GPC5: variants seen among roughly 807,000 people sequenced by gnomAD.
GPC5 encodes glypican-5.
In GPC5, 47 loss-of-function variants were observed where a neutral mutation model predicts 53.9. The ratio of observed to expected loss-of-function variants is 0.87; its 90% CI spans 0.69 to 1.11. The LOEUF (loss-of-function observed/expected upper bound fraction) is 1.11. GPC5 is among the 50% of genes most tolerant of loss of function. GPC5 has a pLI of 0.00. For synonymous variants in GPC5, 286 were observed against 263.3 expected, an observed-to-expected ratio of 1.09 and a Z score of -0.84; for missense variants, 748 against 713.1, an observed-to-expected ratio of 1.05 and a Z score of -0.56.
At chr13:91,780,671 C>T (rs1175852211) in intron 5 of GPC5, among the ~76,000 whole-genome samples, 1 of 152,110 alleles carries the variant, frequency 6.6e-6, no homozygotes, top group Non-Finnish European at 1.5e-5. Context: ...TAGTAAAGTT[C>T]AACTCTGGGG....
At chr13:92,012,301 T>C (rs1203083084) in intron 6 of GPC5, among the ~76,000 whole-genome samples, 2 of 152,180 alleles carry the variant, frequency 1.3e-5, no homozygotes, top group East Asian at 1.9e-4. Context: ...TATAAATACA[T>C]AGGAACTTAA....
At chr13:92,225,530 G>A (rs2042478810) in intron 7 of GPC5, among the ~76,000 whole-genome samples, 1 of 152,164 alleles carries the variant, frequency 6.6e-6, no homozygotes, top group Non-Finnish European at 1.5e-5. Context: ...TGAATTTTAA[G>A]CAATTTAGTC....
chr13:92,177,141 G>T (rs748665901), intron 7 of GPC5, among the ~76,000 whole-genome samples: 20 of 152,154 alleles, frequency 1.3e-4, no homozygotes, highest in Non-Finnish European at 2.4e-4. Flanking sequence ...TAACTTCTTG[G>T]CTTACAGACC....
chr13:92,071,861 A>T (rs543296191), intron 6 of GPC5, among the ~76,000 whole-genome samples: 1 of 147,088 alleles, frequency 6.8e-6, no homozygotes, highest in East Asian at 1.9e-4. Flanking sequence ...AATTTATTAT[A>T]ATATATATAA....
intron 6 of GPC5, among the ~76,000 whole-genome samples, chr13:91,971,745 T>G (rs1183648183): frequency 6.6e-6 from 1 of 152,182 alleles, no homozygotes; most frequent in African/African-American, 2.4e-5. Flanking sequence ...TTCAGAAGCA[T>G]GTTGTTAAGT....
chr13:92,825,175 G>A (rs557249573), intron 7 of GPC5, among the ~76,000 whole-genome samples: 3 of 152,136 alleles, frequency 2.0e-5, no homozygotes, highest in South Asian at 2.1e-4. Context: ...ATCACAGCAC[G>A]ATCCGTGTGC....
chr13:91,828,946 G>A (rs1344621352), intron 5 of GPC5, among the ~76,000 whole-genome samples: 2 of 152,012 alleles, frequency 1.3e-5, no homozygotes, highest in Non-Finnish European at 2.9e-5. Flanking sequence ...TACCACTAAT[G>A]GGTAATATTT....
intron 5 of GPC5, among the ~76,000 whole-genome samples, chr13:91,905,002 C>A (rs1467223342): frequency 6.6e-6 from 1 of 151,978 alleles, no homozygotes; most frequent in African/African-American, 2.4e-5. Context: ...AGTGAAGCAG[C>A]AAATGGCCTT....
At chr13:92,135,852 C>T (rs1324309782) in intron 6 of GPC5, among the ~76,000 whole-genome samples, 1 of 152,186 alleles carries the variant, frequency 6.6e-6, no homozygotes, top group African/African-American at 2.4e-5. Context: ...CATAACATGA[C>T]ACATTGTAAA....
rs185343573 is a variant in GPC5 at position 92,715,156 on chromosome 13, A to G, written c.1562-151126A>G. 2.4e-3 allele frequency among the ~76,000 whole-genome samples: 360 copies of G among 152,328 alleles called. 6 individuals are homozygous for G. The highest frequency in any genetic ancestry group is 7.7e-4 in the East Asian group (4 of 5,182). On this transcript the variant is annotated intron_variant, in intron 7 of 7. Transcript: ENST00000377067. The stretch of plus-strand genomic sequence containing the variant: ...TTTGTACGTATACATGTTGCAACGA[A>G]AAATATAATTAAACATTATTTTCAA...
At chr13:92,265,027 T>TAAA in intron 7 of GPC5, among the ~76,000 whole-genome samples, 1 of 151,968 alleles carries the variant, frequency 6.6e-6, no homozygotes, top group East Asian at 1.9e-4. Context: ...TGAGCACCTT[T>TAAA]CTGAAAACTT....
At chr13:92,480,175 C>A (rs552980520) in intron 7 of GPC5, among the ~76,000 whole-genome samples, 8 of 152,186 alleles carry the variant, frequency 5.3e-5, no homozygotes, top group African/African-American at 1.9e-4. Context: ...ATAGAATCTT[C>A]AATACAAACA....
At chr13:91,944,578 C>T (rs116031717) in intron 6 of GPC5, among the ~76,000 whole-genome samples, 3,214 of 152,192 alleles carry the variant, frequency 0.021, 98 homozygotes, top group African/African-American at 0.073. Context: ...AGTTGAATTA[C>T]TTGTACATTA....
intron 7 of GPC5, among the ~76,000 whole-genome samples, chr13:92,536,313 T>G (rs1338749041): frequency 1.3e-5 from 2 of 152,138 alleles, no homozygotes; most frequent in African/African-American, 4.8e-5. Context: ...TATGTAAATA[T>G]ATGAGTGAAA....
intron 7 of GPC5, among the ~76,000 whole-genome samples, chr13:92,218,786 G>T: frequency 6.6e-6 from 1 of 152,112 alleles, no homozygotes; most frequent in East Asian, 1.9e-4. Flanking sequence ...TCATCTCCAA[G>T]CTAAGGGATA....
chr13:92,224,274 C>T (rs1238661382), intron 7 of GPC5, among the ~76,000 whole-genome samples: 1 of 152,078 alleles, frequency 6.6e-6, no homozygotes, highest in African/African-American at 2.4e-5. Context: ...CTTAGAACAA[C>T]GGAGAATAAT....
At chr13:91,451,319 G>A (rs532765133) in intron 2 of GPC5, among the ~76,000 whole-genome samples, 2 of 152,230 alleles carry the variant, frequency 1.3e-5, no homozygotes, top group Admixed American at 1.3e-4. Context: ...ATGTAGTATG[G>A]TCTCTTTCCT....
chr13:91,432,252 T>C (rs1446984149), intron 1 of GPC5, among the ~76,000 whole-genome samples: 1 of 130,796 alleles, frequency 7.6e-6, no homozygotes, highest in African/African-American at 2.8e-5. Flanking sequence ...TGTGTGTGTA[T>C]GTTTAGGCCT....
At chr13:92,312,908 T>C (rs1297343684) in intron 7 of GPC5, among the ~76,000 whole-genome samples, 1 of 152,160 alleles carries the variant, frequency 6.6e-6, no homozygotes, top group Non-Finnish European at 1.5e-5. Context: ...GTAATACAAA[T>C]GGGTAATAAA....
Sources: allele counts gnomAD v4.1 joint callset (sites outside exome capture counted in the v4.1 genomes callset), GRCh38; gene constraint gnomAD v4.1.1; transcripts MANE v1.5; gene names NCBI Gene and HGNC (gene_info 2026-07-23, HGNC 2026-07-21).